Variants in ANKRD44 observed in about 807,000 individuals in gnomAD.
ANKRD44 encodes the protein serine/threonine-protein phosphatase 6 regulatory ankyrin repeat subunit B.
In ANKRD44, 35 loss-of-function variants were observed where a neutral mutation model predicts 116.0. The ratio of observed to expected loss-of-function variants is 0.30; its 90% confidence interval spans 0.23 to 0.40. The LOEUF (loss-of-function observed/expected upper bound fraction) is 0.40, where lower values mean the gene tolerates loss of function less well. Among genes scored for constraint, ANKRD44 ranks in the 10% least tolerant of loss-of-function variants. ANKRD44 has a pLI of 1.00. For synonymous variants in ANKRD44, 435 were observed against 461.8 expected (o/e 0.94, Z 0.74); for missense variants, 1,014 against 1,242.6 (o/e 0.82, Z 2.77).
intron 19 of ANKRD44, 69 bp from the exon 20 acceptor site, chr2:197,007,992 A>G (rs866920846): frequency 1.0e-6 from 1 of 958,666 alleles, no homozygotes. Context: ...ACCAGTAGGA[A>G]GACATTCTCT....
intron 1 of ANKRD44, among the ~76,000 whole-genome samples, chr2:197,238,328 TA>T (rs34671387): frequency 6.6e-6 from 1 of 151,044 alleles, no homozygotes; most frequent in Non-Finnish European, 1.5e-5. Flanking sequence ...CACTCTACCG[TA>T]AAAAAAAATG....
chr2:197,297,261 C>T (rs1316928383), intron 1 of ANKRD44, among the ~76,000 whole-genome samples: 5 of 152,024 alleles, frequency 3.3e-5, no homozygotes, highest in Admixed American at 2.0e-4. Flanking sequence ...CAATTCATAC[C>T]GAAGTATGGA....
intron 17 of ANKRD44, among the ~76,000 whole-genome samples, chr2:197,023,097 G>A (rs1453309136): frequency 6.6e-6 from 1 of 152,210 alleles, no homozygotes; most frequent in South Asian, 2.1e-4. Context: ...TAATAATGAT[G>A]TTATATGATG....
intron 2 of ANKRD44, among the ~76,000 whole-genome samples, chr2:197,156,214 CAGGCACCTGT>C (rs2079810112): frequency 1.3e-5 from 2 of 152,084 alleles, no homozygotes; most frequent in Non-Finnish European, 2.9e-5. Context: ...GGCGTGGTGT[CAGGCACCTGT>C]AGTCCCAGCT....
chr2:197,076,840 CT>C (rs1237950339), intron 16 of ANKRD44, among the ~76,000 whole-genome samples: 1 of 152,118 alleles, frequency 6.6e-6, no homozygotes. Flanking sequence ...TGATCTAGTT[CT>C]TTTTTATGGC....
chr2:197,094,222 C>CA (rs1159188278), intron 10 of ANKRD44, among the ~76,000 whole-genome samples: 1 of 152,194 alleles, frequency 6.6e-6, no homozygotes, highest in African/African-American at 2.4e-5. Context: ...ATTAAAGTGA[C>CA]AGAGTCAGAA....
chr2:197,011,858 A>G (rs1453900123), intron 18 of ANKRD44, among the ~76,000 whole-genome samples: 3 of 152,116 alleles, frequency 2.0e-5, no homozygotes, highest in African/African-American at 7.2e-5. Flanking sequence ...CTTTTTCCCC[A>G]AATTGCCTTC....
At chr2:197,126,817 C>T (rs954982628) in intron 4 of ANKRD44, among the ~76,000 whole-genome samples, 4 of 147,326 alleles carry the variant, frequency 2.7e-5, no homozygotes, top group Admixed American at 1.4e-4. Flanking sequence ...TGGCAAAAAC[C>T]GCAATTACTT....
chr2:197,215,950 A>G (rs1465955071), intron 1 of ANKRD44, among the ~76,000 whole-genome samples: 2 of 152,208 alleles, frequency 1.3e-5, no homozygotes, highest in Admixed American at 1.3e-4. Context: ...CACAACCTTG[A>G]TTAACAGCAG....
chr2:196,986,630 A>G, downstream of ANKRD44: 1 of 886,114 alleles, frequency 1.1e-6, no homozygotes, highest in Non-Finnish European at 1.4e-6. Context: ...ATAATTTAGA[A>G]AAAGCATAAA....
intron 1 of ANKRD44, among the ~76,000 whole-genome samples, chr2:197,187,931 T>TA (rs2080724878): frequency 6.6e-6 from 1 of 152,224 alleles, no homozygotes; most frequent in Admixed American, 6.5e-5. Context: ...TACTTCTTGT[T>TA]AGACAATGTT....
chr2:196,973,353 C>T (rs953188081), intron 21 of ANKRD44, among the ~76,000 whole-genome samples: 79 of 152,096 alleles, frequency 5.2e-4, no homozygotes, highest in African/African-American at 1.8e-3. Context: ...TTTAAACTAT[C>T]ATTTTTATTA....
chr2:197,101,135 A>G lies in ANKRD44; in HGVS notation c.986-1205T>C, dbSNP rs72924685. Reference sequence around the variant, plus strand: ...CCCCAAACTGTGCTTTATAATAGTTATCTTGTTGTTTTAATCCAGGATCCA... The same window carrying G: ...CCCCAAACTGTGCTTTATAATAGTTGTCTTGTTGTTTTAATCCAGGATCCA... On this transcript the variant is annotated intron_variant, in intron 9 of 27. Transcript: ENST00000282272. 5.7e-3 allele frequency among the ~76,000 whole-genome samples: 860 copies of G among 152,210 alleles called. 3 individuals carry two copies. The highest frequency in any genetic ancestry group is 0.01 in the Middle Eastern group (3 of 294).
chr2:197,093,750 A>AGGCCGGGCGCGGTGGCTCACGCCTGT (rs2078099540), intron 10 of ANKRD44, among the ~76,000 whole-genome samples: 1 of 152,214 alleles, frequency 6.6e-6, no homozygotes. Flanking sequence ...GACTGCTCAC[A>AGGCCGGGCGCGGTGGCTCACGCCTGT]AAGGAAGGAT....
At chr2:197,302,962 A>G (rs1559235010) in intron 1 of ANKRD44, among the ~76,000 whole-genome samples, 2 of 152,244 alleles carry the variant, frequency 1.3e-5, no homozygotes, top group South Asian at 2.1e-4. Flanking sequence ...CACAAGAGAC[A>G]AGCATGGCCT....
intron 1 of ANKRD44, chr2:197,302,273 C>T (rs570717770): frequency 3.3e-5 from 5 of 152,410 alleles, no homozygotes; most frequent in Admixed American, 2.6e-4. Flanking sequence ...GTGACAAGTT[C>T]TGAGTTCCAT....
chr2:196,983,221 A>G (rs1400206555), downstream of ANKRD44, among the ~76,000 whole-genome samples: 1 of 148,580 alleles, frequency 6.7e-6, no homozygotes, highest in East Asian at 1.9e-4. Flanking sequence ...AAATGACAGA[A>G]AAAAAAAATC....
chr2:197,068,999 A>G (rs896275284), intron 16 of ANKRD44, among the ~76,000 whole-genome samples: 11 of 152,170 alleles, frequency 7.2e-5, no homozygotes, highest in African/African-American at 2.2e-4. Context: ...ACATGCACAC[A>G]TATGTTTATT....
At chr2:197,073,059 C>G (rs553267139) in intron 16 of ANKRD44, among the ~76,000 whole-genome samples, 1 of 152,148 alleles carries the variant, frequency 6.6e-6, no homozygotes, top group Non-Finnish European at 1.5e-5. Context: ...GAGTGGGTAA[C>G]GAGACATGGC....
Sources: allele counts gnomAD v4.1 joint callset (sites outside exome capture counted in the v4.1 genomes callset), GRCh38; gene constraint gnomAD v4.1.1; transcripts MANE v1.5; gene names NCBI Gene and HGNC (gene_info 2026-07-23, HGNC 2026-07-21).